Variants in PCLO observed in about 807,000 individuals in gnomAD.
The protein encoded by PCLO is protein piccolo.
Under a neutral mutation model 427.5 loss-of-function variants are expected in PCLO, and 82 were observed. That is an observed-to-expected ratio of 0.19 (90% CI 0.16 to 0.23). The LOEUF (loss-of-function observed/expected upper bound fraction) is 0.23. PCLO is among the 10% of genes least tolerant of loss of function. PCLO has a pLI of 1.00. For missense variants in PCLO, 6,239 were observed against 6,115.9 expected, an observed-to-expected ratio of 1.02 and a Z score of -0.67; for synonymous variants, 2,357 against 2,155.4, an observed-to-expected ratio of 1.09 and a Z score of -2.59.
chr7:83,046,668 GT>G (rs750509455), intron 3 of PCLO, among the ~76,000 whole-genome samples: 4 of 151,794 alleles, frequency 2.6e-5, no homozygotes, highest in African/African-American at 4.8e-5. Flanking sequence ...TTTTATTCCT[GT>G]TTGTTCTGAC....
intron 10 of PCLO, among the ~76,000 whole-genome samples, chr7:82,866,403 T>A (rs908632857): frequency 2.6e-5 from 4 of 152,002 alleles, no homozygotes; most frequent in African/African-American, 9.7e-5. Context: ...GTCTTAGCTA[T>A]TAGAATGTAA....
chr7:83,104,452 T>C (rs1422128483), intron 3 of PCLO, among the ~76,000 whole-genome samples: 2 of 152,024 alleles, frequency 1.3e-5, no homozygotes, highest in South Asian at 2.1e-4. Flanking sequence ...TTTTCAGTAA[T>C]ACACAAACTC....
At chr7:82,826,062 G>T (rs887817867) in intron 18 of PCLO, among the ~76,000 whole-genome samples, 11 of 150,936 alleles carry the variant, frequency 7.3e-5, no homozygotes, top group Non-Finnish European at 1.2e-4. Context: ...TATTTATGGG[G>T]TATATGAGAT....
chr7:82,858,342 C>T (rs1792860211), intron 10 of PCLO, among the ~76,000 whole-genome samples: 1 of 152,066 alleles, frequency 6.6e-6, no homozygotes, highest in South Asian at 2.1e-4. Context: ...CCATGTATGA[C>T]AAATCTGCAA....
intron 4 of PCLO, among the ~76,000 whole-genome samples, chr7:82,960,669 T>G (rs1317863250): frequency 1.3e-5 from 2 of 152,216 alleles, no homozygotes; most frequent in East Asian, 3.9e-4. Context: ...TCAGGATTAA[T>G]TTTAATGCTA....
At chr7:82,860,504 C>G (rs1175979353) in intron 10 of PCLO, among the ~76,000 whole-genome samples, 1 of 150,958 alleles carries the variant, frequency 6.6e-6, no homozygotes, top group Non-Finnish European at 1.5e-5. Flanking sequence ...TTAACCCAGA[C>G]AAAAAAAAGC....
chr7:83,008,978 T>G (rs1788013404), intron 3 of PCLO, among the ~76,000 whole-genome samples: 1 of 151,556 alleles, frequency 6.6e-6, no homozygotes, highest in African/African-American at 2.4e-5. Context: ...CTGAGACATT[T>G]ATATAAAGGC....
intron 3 of PCLO, among the ~76,000 whole-genome samples, chr7:83,078,850 T>C (rs1018892099): frequency 2.0e-5 from 3 of 152,114 alleles, no homozygotes; most frequent in Non-Finnish European, 4.4e-5. Flanking sequence ...GCATTAATTA[T>C]TAATATAAAC....
At chr7:83,143,272 A>G (rs1308711814) in intron 2 of PCLO, among the ~76,000 whole-genome samples, 1 of 152,194 alleles carries the variant, frequency 6.6e-6, no homozygotes, top group Non-Finnish European at 1.5e-5. Context: ...ACTCCCCAAC[A>G]GCAGTTTGGA....
At chr7:83,028,022 A>C (rs1158712236) in intron 3 of PCLO, among the ~76,000 whole-genome samples, 1 of 145,072 alleles carries the variant, frequency 6.9e-6, no homozygotes, top group Non-Finnish European at 1.5e-5. Flanking sequence ...CAAAAACTGG[A>C]AGCATTCCCT....
intron 21 of PCLO, 88 bp downstream of exon 21, chr7:82,805,600 A>C: frequency 3.1e-6 from 4 of 1,273,168 alleles, no homozygotes; most frequent in Non-Finnish European, 4.4e-6. Flanking sequence ...GAATTGGGTA[A>C]TTATCCAGTT....
intron 22 of PCLO, among the ~76,000 whole-genome samples, chr7:82,766,224 A>G (rs149485628): frequency 6.6e-6 from 1 of 152,264 alleles, no homozygotes; most frequent in African/African-American, 2.4e-5. Context: ...TGAAGATTCA[A>G]GAGTCTCAGT....
At chr7:82,800,770 A>G (rs919309218) in intron 22 of PCLO, among the ~76,000 whole-genome samples, 1 of 151,762 alleles carries the variant, frequency 6.6e-6, no homozygotes, top group Non-Finnish European at 1.5e-5. Flanking sequence ...TAATTTTTGT[A>G]TTTTTAGTAG....
At chr7:82,764,469 G>A (rs530030180) in intron 22 of PCLO, among the ~76,000 whole-genome samples, 2 of 152,010 alleles carry the variant, frequency 1.3e-5, no homozygotes, top group South Asian at 4.1e-4. Flanking sequence ...CTAAACATGA[G>A]TAAGTTTTAG....
intron 3 of PCLO, among the ~76,000 whole-genome samples, chr7:83,026,796 G>A (rs1788510994): frequency 1.3e-5 from 2 of 149,186 alleles, no homozygotes; most frequent in Non-Finnish European, 1.5e-5. Flanking sequence ...TCAGGATTAA[G>A]AATCTCACTC....
In PCLO at chr7:82,955,719, G is replaced by T; in HGVS notation, c.5234C>A (p.Pro1745Gln). ...TTTGCTCTCTCCTTTTTTGTGACTC[G>T]GGCTACTGTCACTGTCCTCATCAAG... ...SSLDEDSDSS[P>Q]SHKKGESKQQ... Residue 1745 changes from proline to glutamine, a missense_variant, in exon 5 of 25, where the codon CCG becomes CAG. Around this residue, in one of 5 missense-constraint regions of PCLO, gnomAD observed 4,677 missense variants for 4,468.4 expected, o/e 1.05. Coordinates refer to ENST00000333891, the MANE Select transcript of PCLO (RefSeq NM_033026.6). 6.2e-7 allele frequency: 1 copy of T among 1,613,760 alleles called. No homozygotes were observed. Among genetic ancestry groups the T allele is most frequent in the Non-Finnish European group, 8.5e-7 (1 of 1,179,820 alleles).
chr7:82,872,343 G>C (rs1793257113), intron 10 of PCLO, among the ~76,000 whole-genome samples: 1 of 151,882 alleles, frequency 6.6e-6, no homozygotes, highest in African/African-American at 2.4e-5. Flanking sequence ...AGCTCACAAG[G>C]TTAATAAAAT....
In PCLO at chr7:82,915,856, G is replaced by C; in HGVS notation, c.12130C>G (p.Arg4044Gly). The C allele has an allele frequency of 1.2e-6, 2 of 1,613,462 alleles. No homozygotes were observed. Among genetic ancestry groups the C allele is most frequent in the South Asian group, 2.2e-5 (2 of 91,078 alleles). Residue 4044 changes from arginine (R) to glycine (G), a missense_variant, in exon 7 of 25, where the codon CGA (arginine) becomes GGA (glycine). By Grantham distance (125) the Arg-to-Gly change is moderately radical (BLOSUM62 -2). Coordinates refer to ENST00000333891, the MANE Select transcript of PCLO (RefSeq NM_033026.6). Reference sequence around the variant, plus strand: ...ATGTCGTCAATTAGGACATAATTTCGTGGAGTATGGTGATCAATATCTGCA... The same window carrying C: ...ATGTCGTCAATTAGGACATAATTTCCTGGAGTATGGTGATCAATATCTGCA... The part of the protein sequence containing the change: ...FYADIDHHTP[R>G]NYVLIDDIGE...
rs1327834412 is a variant in PCLO, at chr7:82,935,397, G to C, written c.11112+14079C>G. Among the ~76,000 whole-genome samples, 3 of 150,952 alleles carry C rather than the reference G, an allele frequency of 2.0e-5. No individual in the cohort carries two copies. In the East Asian group the frequency reaches 5.8e-4, roughly 29 times the overall value. ...GATAAAATGAGCTAAGTTCTTTCAAGTATCTAGTAGTTTGCTTGGATATAG... is the reference window on the plus strand; with the variant it reads ...GATAAAATGAGCTAAGTTCTTTCAACTATCTAGTAGTTTGCTTGGATATAG... On this transcript the variant is annotated intron_variant, in intron 6 of 24. Coordinates refer to ENST00000333891, the MANE Select transcript of PCLO (RefSeq NM_033026.6).
Sources: allele counts gnomAD v4.1 joint callset (sites outside exome capture counted in the v4.1 genomes callset), GRCh38; gene constraint gnomAD v4.1.1; regional missense constraint gnomAD v4.1.1; transcripts MANE v1.5; gene names NCBI Gene and HGNC (gene_info 2026-07-23, HGNC 2026-07-21).